ZBTB20: variants seen among roughly 807,000 people sequenced by gnomAD.
ZBTB20 encodes zinc finger and BTB domain containing 20.
ZBTB20 carries 9 observed loss-of-function variants against 56.9 expected under a neutral mutation model. The observed-to-expected ratio is 0.16, with a 90% CI of 0.10 to 0.28. The LOEUF (loss-of-function observed/expected upper bound fraction) is 0.28, where lower values mean the gene tolerates loss of function less well. Among genes scored for constraint, ZBTB20 ranks in the 10% least tolerant of loss-of-function variants. The pLI, the probability that ZBTB20 is intolerant of heterozygous loss-of-function variation, is 1.00. For missense variants in ZBTB20, 655 were observed against 1,003.0 expected, an observed-to-expected ratio of 0.65 and a Z score of 4.69; for synonymous variants, 417 against 420.7, an observed-to-expected ratio of 0.99 and a Z score of 0.11.
chr3:114,721,392 A>G (rs1038991147), intron 5 of ZBTB20, among the ~76,000 whole-genome samples: 1 of 152,170 alleles, frequency 6.6e-6, no homozygotes, highest in Non-Finnish European at 1.5e-5. Context: ...CCCAGGTACT[A>G]TGTGATAAAT....
chr3:115,030,078 GT>G (rs1347356654), intron 2 of ZBTB20, among the ~76,000 whole-genome samples: 1 of 151,044 alleles, frequency 6.6e-6, no homozygotes, highest in East Asian at 1.9e-4. Context: ...AGCACATAGT[GT>G]TAAACGGAGA....
chr3:114,438,101 A>T (rs2090641459), intron 7 of ZBTB20, among the ~76,000 whole-genome samples: 1 of 152,124 alleles, frequency 6.6e-6, no homozygotes, highest in South Asian at 2.1e-4. Context: ...AGAAGAATAA[A>T]AGGATTGATC....
intron 2 of ZBTB20, among the ~76,000 whole-genome samples, chr3:115,031,180 C>T (rs2080660835): frequency 6.6e-6 from 1 of 151,470 alleles, no homozygotes; most frequent in Non-Finnish European, 1.5e-5. Flanking sequence ...TTCGGCTGTG[C>T]TGCTCCTAGC....
chr3:114,350,659 G>C lies in ZBTB20; in HGVS notation c.1419C>G (p.Thr473=). The C allele has an allele frequency of 3.7e-6, 6 of 1,614,210 alleles. No individual in the cohort carries two copies. Among genetic ancestry groups the C allele is most frequent in the Non-Finnish European group, 5.1e-6 (6 of 1,180,038 alleles). The change falls in exon 11 of 12, where the codon ACC becomes ACG. Residue 473 remains threonine, a synonymous_variant. Coordinates refer to ENST00000675478, the MANE Select transcript of ZBTB20 (RefSeq NM_001348800.3). ...NTSIGQPLPS[T]QLYLRQTETL... ...TTTCTGTCTGGCGTAAGTAGAGCTGGGTACTTGGCAATGGCTGCCCGATGG... is the reference window on the plus strand; with the variant it reads ...TTTCTGTCTGGCGTAAGTAGAGCTGCGTACTTGGCAATGGCTGCCCGATGG...
At chr3:114,597,240 T>C (rs777891631) in intron 6 of ZBTB20, among the ~76,000 whole-genome samples, 2 of 152,176 alleles carry the variant, frequency 1.3e-5, no homozygotes, top group Admixed American at 1.3e-4. Context: ...TGCACGATAT[T>C]AAGGGATGCC....
At chr3:114,468,633 T>G (rs561976933) in intron 7 of ZBTB20, among the ~76,000 whole-genome samples, 1 of 152,294 alleles carries the variant, frequency 6.6e-6, no homozygotes, top group South Asian at 2.1e-4. Flanking sequence ...CAATCACCTA[T>G]TTTTGGACAT....
intron 5 of ZBTB20, among the ~76,000 whole-genome samples, chr3:114,761,328 A>G (rs2068422014): frequency 6.6e-6 from 1 of 152,142 alleles, no homozygotes; most frequent in East Asian, 1.9e-4. Context: ...GACTTTACAT[A>G]TAGTATCTCA....
intron 2 of ZBTB20, among the ~76,000 whole-genome samples, chr3:114,999,326 G>C (rs1387275857): frequency 1.3e-5 from 2 of 150,786 alleles, no homozygotes; most frequent in Non-Finnish European, 3.0e-5. Flanking sequence ...AAATTTTCAG[G>C]GCAAAACAGA....
intron 1 of ZBTB20, among the ~76,000 whole-genome samples, chr3:115,137,197 T>C (rs1217666377): frequency 1.3e-5 from 2 of 152,064 alleles, no homozygotes; most frequent in Admixed American, 6.6e-5. Context: ...TAAGGGATGG[T>C]ATAGCAATTT....
chr3:114,333,769 G>A lies in ZBTB20; in HGVS notation c.*5236C>T, dbSNP rs1025980758. 9.2e-5 allele frequency: 14 copies of A among 152,070 alleles called. No individual in the cohort carries two copies. Among genetic ancestry groups the A allele is most frequent in the African/African-American group, 3.4e-4 (14 of 41,374 alleles). 9.4% of individuals were successfully genotyped at this position (152,070 alleles called of 1,614,324 possible). A position where few individuals can be genotyped will look rare whatever the true frequency, so the allele number is the denominator to read the frequency against. On this transcript the variant is annotated 3_prime_UTR_variant, in exon 12 of 12. Transcript: ENST00000675478. ...TCTCAGAGCCAGAAATCACTGAAAA[G>A]AGAGTCTGTCGACCCTGCCCATGGA...
intron 4 of ZBTB20, among the ~76,000 whole-genome samples, chr3:114,881,917 T>C (rs904419878): frequency 1.3e-5 from 2 of 151,806 alleles, no homozygotes; most frequent in African/African-American, 4.8e-5. Context: ...TAGAAGAAAA[T>C]CTGAGTAATT....
intron 6 of ZBTB20, among the ~76,000 whole-genome samples, chr3:114,685,728 C>T (rs1199779133): frequency 6.6e-6 from 1 of 152,040 alleles, no homozygotes; most frequent in African/African-American, 2.4e-5. Context: ...CACCAAGTTC[C>T]AAGTCTTGGA....
Position 114,337,804 on chromosome 3 carries a change from A to G in ZBTB20, c.*1201T>C, listed in dbSNP as rs2079510907. On this transcript the variant is annotated 3_prime_UTR_variant, in exon 12 of 12. Transcript: ENST00000675478. ...TCGCTAACCTTAACAGTCTTGACTT[A>G]CCAAAAAATATATATATGTGTGTGA... The G allele has an allele frequency of 6.6e-6, 1 of 152,176 alleles. No individual in the cohort carries two copies. The allele number at this position is 152,176 out of a possible 1,614,324, so 9.4% of individuals were successfully genotyped here.
At chr3:114,446,332 T>C (rs908457454) in intron 7 of ZBTB20, among the ~76,000 whole-genome samples, 5 of 152,310 alleles carry the variant, frequency 3.3e-5, no homozygotes, top group East Asian at 1.9e-4. Context: ...ATCATTTTCT[T>C]GTTTTAAACT....
intron 6 of ZBTB20, among the ~76,000 whole-genome samples, chr3:114,545,094 A>G (rs1403579625): frequency 6.6e-6 from 1 of 152,194 alleles, no homozygotes; most frequent in Non-Finnish European, 1.5e-5. Flanking sequence ...ATCCATGAGC[A>G]TCATCTCTGT....
intron 2 of ZBTB20, among the ~76,000 whole-genome samples, chr3:115,019,827 G>C (rs542661403): frequency 1.3e-5 from 2 of 151,280 alleles, no homozygotes; most frequent in South Asian, 4.2e-4. Context: ...AGAAAATCTT[G>C]GTTGGACAGA....
At chr3:115,121,840 A>G (rs933581408) in intron 1 of ZBTB20, among the ~76,000 whole-genome samples, 2 of 152,060 alleles carry the variant, frequency 1.3e-5, no homozygotes, top group Non-Finnish European at 2.9e-5. Flanking sequence ...ACCAAGTCTT[A>G]GTTTATTCTT....
At chr3:114,499,471 ATGT>A (rs1176481241) in intron 7 of ZBTB20, among the ~76,000 whole-genome samples, 1 of 152,240 alleles carries the variant, frequency 6.6e-6, no homozygotes, top group Non-Finnish European at 1.5e-5. Flanking sequence ...GCAAGATATA[ATGT>A]TGTGAATAAG....
intron 6 of ZBTB20, among the ~76,000 whole-genome samples, chr3:114,661,581 T>A (rs942636764): frequency 6.6e-6 from 1 of 152,192 alleles, no homozygotes; most frequent in African/African-American, 2.4e-5. Flanking sequence ...CCATTTTGGC[T>A]TCTTATCCTC....
Sources: allele counts gnomAD v4.1 joint callset (sites outside exome capture counted in the v4.1 genomes callset), GRCh38; gene constraint gnomAD v4.1.1; transcripts MANE v1.5; gene names NCBI Gene and HGNC (gene_info 2026-07-23, HGNC 2026-07-21).